The following SLC39A11 variants were observed in gnomAD, a reference collection of about 807,000 sequenced individuals.
SLC39A11 encodes zinc transporter ZIP11.
SLC39A11 carries 33 observed loss-of-function variants against 36.1 expected under a neutral mutation model. The ratio of observed to expected loss-of-function variants is 0.91; its 90% CI spans 0.69 to 1.22. SLC39A11 has a LOEUF of 1.22. SLC39A11 is among the 50% of genes most tolerant of loss of function. The pLI, the probability that SLC39A11 is intolerant of heterozygous loss-of-function variation, is 0.00. For missense variants in SLC39A11, 432 were observed against 430.3 expected, an observed-to-expected ratio of 1.00 and a Z score of -0.03; for synonymous variants, 166 against 170.3, an observed-to-expected ratio of 0.97 and a Z score of 0.20.
intron 6 of SLC39A11, among the ~76,000 whole-genome samples, chr17:72,825,970 T>C (rs1467068915): frequency 2.0e-5 from 3 of 152,226 alleles, no homozygotes; most frequent in Non-Finnish European, 4.4e-5. Context: ...AAAGCTGGAA[T>C]GAGTTAAGAC....
chr17:72,662,720 AAGAG>A (rs372072530), intron 7 of SLC39A11, among the ~76,000 whole-genome samples: 19 of 150,078 alleles, frequency 1.3e-4, no homozygotes, highest in Admixed American at 5.3e-4. Context: ...AAAGAGAAGA[AAGAG>A]AGAGAGAGAA....
chr17:73,014,165 G>C (rs1374035978), intron 4 of SLC39A11, among the ~76,000 whole-genome samples: 1 of 152,070 alleles, frequency 6.6e-6, no homozygotes, highest in Non-Finnish European at 1.5e-5. Flanking sequence ...GTCTCCTGGG[G>C]CCTCAGCCTC....
chr17:73,065,997 T>C (rs1188072306), intron 3 of SLC39A11, among the ~76,000 whole-genome samples: 1 of 152,176 alleles, frequency 6.6e-6, no homozygotes, highest in East Asian at 1.9e-4. Context: ...AAAGGAATAC[T>C]GATTCTGGAA....
intron 7 of SLC39A11, among the ~76,000 whole-genome samples, chr17:72,685,349 T>C (rs1417767006): frequency 6.6e-6 from 1 of 152,264 alleles, no homozygotes; most frequent in African/African-American, 2.4e-5. Flanking sequence ...GCAACTGAAA[T>C]TGAGATCTGA....
intron 3 of SLC39A11, among the ~76,000 whole-genome samples, chr17:73,078,544 T>C (rs1158224875): frequency 2.0e-5 from 3 of 151,232 alleles, no homozygotes; most frequent in Non-Finnish European, 4.4e-5. Flanking sequence ...TGGAGTGCAA[T>C]GGCGCAATCT....
At chr17:72,825,821 T>A (rs769826331) in intron 6 of SLC39A11, among the ~76,000 whole-genome samples, 8 of 152,250 alleles carry the variant, frequency 5.3e-5, no homozygotes, top group Non-Finnish European at 1.2e-4. Context: ...TTCTGCCTTT[T>A]GGAATGGGGA....
intron 3 of SLC39A11, among the ~76,000 whole-genome samples, chr17:73,064,287 G>T (rs900169969): frequency 3.9e-5 from 6 of 152,020 alleles, no homozygotes; most frequent in African/African-American, 1.5e-4. Flanking sequence ...TAGAAGCCAG[G>T]GCACAGTGGC....
chr17:72,932,304 A>T (rs2084451474), intron 5 of SLC39A11, among the ~76,000 whole-genome samples: 1 of 151,432 alleles, frequency 6.6e-6, no homozygotes, highest in African/African-American at 2.4e-5. Context: ...TATTATTATT[A>T]TTATTATACT....
intron 7 of SLC39A11, among the ~76,000 whole-genome samples, chr17:72,732,035 C>CTTTTTTT (rs1838992557): frequency 9.2e-5 from 4 of 43,306 alleles, no homozygotes; most frequent in Admixed American, 2.5e-4. Flanking sequence ...TTTTTCTTTT[C>CTTTTTTT]TTTTCTTTTT....
intron 7 of SLC39A11, among the ~76,000 whole-genome samples, chr17:72,674,487 A>G (rs540246854): frequency 6.6e-6 from 1 of 152,298 alleles, no homozygotes; most frequent in Admixed American, 6.5e-5. Flanking sequence ...TGCAATTACA[A>G]TGTTGTAATG....
intron 5 of SLC39A11, among the ~76,000 whole-genome samples, chr17:72,883,018 A>C (rs1598266513): frequency 3.3e-5 from 5 of 151,974 alleles, no homozygotes; most frequent in African/African-American, 1.2e-4. Context: ...GCTGGTCTCG[A>C]ATTCCTGGCC....
chr17:72,916,813 G>C (rs972461065), intron 5 of SLC39A11, among the ~76,000 whole-genome samples: 1 of 152,110 alleles, frequency 6.6e-6, no homozygotes, highest in Non-Finnish European at 1.5e-5. Context: ...TTCATGGCAA[G>C]CCCACCCAAC....
At chr17:72,872,685 T>G (rs1054915141) in intron 5 of SLC39A11, among the ~76,000 whole-genome samples, 28 of 152,272 alleles carry the variant, frequency 1.8e-4, no homozygotes, top group African/African-American at 6.5e-4. Flanking sequence ...AACAGTCCCT[T>G]GCCAAAACTA....
chr17:72,934,422 T>G (rs138153083), intron 5 of SLC39A11, among the ~76,000 whole-genome samples: 67 of 152,242 alleles, frequency 4.4e-4, no homozygotes, highest in African/African-American at 1.5e-3. Context: ...TTCCAGCACT[T>G]TGGGAGGCTG....
chr17:72,820,532 C>T (rs1406368928), intron 6 of SLC39A11, among the ~76,000 whole-genome samples: 3 of 151,154 alleles, frequency 2.0e-5, no homozygotes, highest in Non-Finnish European at 4.4e-5. Context: ...GGATCTATTA[C>T]ATGGCACATC....
At chr17:72,985,189 G>A (rs1164775166) in intron 4 of SLC39A11, among the ~76,000 whole-genome samples, 1 of 152,200 alleles carries the variant, frequency 6.6e-6, no homozygotes, top group East Asian at 1.9e-4. Context: ...TAAGTGGCCT[G>A]GGAGGGACAT....
intron 7 of SLC39A11, among the ~76,000 whole-genome samples, chr17:72,679,899 G>A (rs1345223001): frequency 1.3e-5 from 2 of 151,956 alleles, no homozygotes; most frequent in Non-Finnish European, 2.9e-5. Context: ...AAAATTAGCT[G>A]GGCGTGGTGG....
rs1486116113 is a variant in SLC39A11, at chr17:72,729,437, ATATATATATATATATATATATT to A, written c.671+7191_671+7212del. 1.2e-3 allele frequency among the ~76,000 whole-genome samples: 3 copies of A among 2,514 alleles called. 1 individual carries two copies. The highest frequency in any genetic ancestry group is 5.4e-3 in the Admixed American group (1 of 184). 1.6% of individuals were successfully genotyped at this position (2,514 alleles called of 152,430 possible). A position where few individuals can be genotyped will look rare whatever the true frequency, so the allele number is the denominator to read the frequency against. On this transcript the variant is annotated intron_variant, in intron 7 of 9. Transcript: ENST00000255559. ...TATATATATATATATATATATATAT[ATATATATATATATATATATATT>A]TTTTTTTTTTTTTTTTTTTGTAGAG...
chr17:73,032,547 G>T (rs943923851), intron 3 of SLC39A11, among the ~76,000 whole-genome samples: 5 of 152,116 alleles, frequency 3.3e-5, no homozygotes, highest in African/African-American at 7.2e-5. Context: ...AAGACAAATT[G>T]CTCACTACTT....
Sources: gnomAD v4.1 joint callset for allele counts (sites outside exome capture counted in the v4.1 genomes callset) on GRCh38, gnomAD v4.1.1 for gene constraint, MANE v1.5 for transcripts, NCBI Gene and HGNC (gene_info 2026-07-23, HGNC 2026-07-21) for gene names.